The following ZDHHC15 variants were observed in gnomAD, a reference collection of about 807,000 sequenced individuals.
ZDHHC15 encodes the protein palmitoyltransferase ZDHHC15.
In ZDHHC15, 19 loss-of-function variants were observed where a neutral mutation model predicts 31.7. That is an observed-to-expected ratio of 0.60 (90% CI 0.42 to 0.88). The LOEUF is 0.88. ZDHHC15 is among the 40% of genes least tolerant of loss of function. The pLI, the probability that ZDHHC15 is intolerant of heterozygous loss-of-function variation, is 0.00. For synonymous variants in ZDHHC15, 103 were observed against 90.0 expected (o/e 1.14, Z -0.82); for missense variants, 209 against 251.2 (o/e 0.83, Z 1.14).
intron 10 of ZDHHC15, among the ~76,000 whole-genome samples, chrX:75,394,438 A>G (rs1265030629): frequency 5.4e-5 from 6 of 110,890 alleles, no homozygotes; most frequent in Non-Finnish European, 1.1e-4. Flanking sequence ...ATGGATGAAA[A>G]AAAAAAACAA....
rs373986817 is a variant in ZDHHC15 at position 75,508,391 on chromosome X, C to T, written c.137-2544G>A. Among the ~76,000 whole-genome samples the T allele has an allele frequency of 5.3e-4, 53 of 100,403 alleles. 3 individuals are homozygous for T. The East Asian group carries it at 7.7e-3, about 15-fold the overall frequency. 87.2% of individuals were successfully genotyped at this position (100,403 alleles called of 115,157 possible). ...ATTCCCACCTATGAGTGAGAACATG[C>T]AGTGTTTGGTTTTTTTTGTCCTTGC... On this transcript the variant is annotated intron_variant, in intron 1 of 11. Transcript: ENST00000373367.
intron 10 of ZDHHC15, among the ~76,000 whole-genome samples, chrX:75,396,034 T>C (rs2083295681): frequency 8.9e-6 from 1 of 112,014 alleles, no homozygotes. Context: ...CCTCAAAATA[T>C]GAAACTATGA....
intron 3 of ZDHHC15, among the ~76,000 whole-genome samples, chrX:75,476,753 TCTC>T (rs1287022100): frequency 2.9e-5 from 3 of 102,313 alleles, no homozygotes; most frequent in Non-Finnish European, 6.0e-5. Context: ...CCTTCCCTTC[TCTC>T]CTCTTTTCCC....
chrX:75,422,647 C>G, intron 8 of ZDHHC15, among the ~76,000 whole-genome samples: 1 of 110,961 alleles, frequency 9.0e-6, no homozygotes, highest in African/African-American at 3.3e-5. Context: ...CTGACTGTTT[C>G]TCATTTGTTC....
At chrX:75,500,889 CTGA>C (rs757982238) in intron 2 of ZDHHC15, among the ~76,000 whole-genome samples, 2 of 110,105 alleles carry the variant, frequency 1.8e-5, no homozygotes, top group African/African-American at 6.6e-5. Flanking sequence ...TCTCACCTTC[CTGA>C]TGTTTAATGT....
chrX:75,392,639 TC>T (rs899345564), intron 10 of ZDHHC15, among the ~76,000 whole-genome samples: 13 of 112,026 alleles, frequency 1.2e-4, no homozygotes, highest in African/African-American at 3.6e-4. Flanking sequence ...ACCGCATCAA[TC>T]CCCAACCCAA....
At chrX:75,518,826 C>T (rs1198399803) in intron 1 of ZDHHC15, among the ~76,000 whole-genome samples, 2 of 93,102 alleles carry the variant, frequency 2.1e-5, no homozygotes, top group African/African-American at 7.9e-5. Flanking sequence ...CACACACACA[C>T]ACACACACAC....
At chrX:75,496,215 A>C (rs2148026710) in intron 2 of ZDHHC15, among the ~76,000 whole-genome samples, 1 of 111,635 alleles carries the variant, frequency 9.0e-6, no homozygotes, top group Non-Finnish European at 1.9e-5. Flanking sequence ...TTCTTATATC[A>C]GACAAAACAG....
chrX:75,431,319 G>T, intron 5 of ZDHHC15, 132 bp downstream of exon 5: 2 of 532,155 alleles, frequency 3.8e-6, no homozygotes, highest in East Asian at 3.7e-5. Flanking sequence ...GAGGGGTTTT[G>T]GCATATGCTC....
At chrX:75,440,366 G>A (rs1185178242) in intron 4 of ZDHHC15, among the ~76,000 whole-genome samples, 3 of 110,738 alleles carry the variant, frequency 2.7e-5, no homozygotes, top group Non-Finnish European at 3.8e-5. Context: ...TGCAAGCTCC[G>A]CCTTCCGGGT....
At chrX:75,517,745 A>T (rs1394537058) in intron 1 of ZDHHC15, among the ~76,000 whole-genome samples, 1 of 109,800 alleles carries the variant, frequency 9.1e-6, no homozygotes, top group East Asian at 2.8e-4. Context: ...AATAATAATA[A>T]AATTTTAAAA....
chrX:75,474,874 G>A (rs1002237434), intron 3 of ZDHHC15, among the ~76,000 whole-genome samples: 1 of 109,365 alleles, frequency 9.1e-6, no homozygotes, highest in Non-Finnish European at 1.9e-5. Flanking sequence ...TGGCTAACAC[G>A]GTGAAACCCC....
At chrX:75,401,342 C>A (rs1021858708) in intron 10 of ZDHHC15, among the ~76,000 whole-genome samples, 1 of 110,573 alleles carries the variant, frequency 9.0e-6, no homozygotes, top group Non-Finnish European at 1.9e-5. Context: ...AATAAACCAA[C>A]ATAACAACCA....
intron 7 of ZDHHC15, among the ~76,000 whole-genome samples, chrX:75,426,443 C>G (rs1028800963): frequency 4.9e-5 from 5 of 101,506 alleles, no homozygotes; most frequent in Non-Finnish European, 8.1e-5. Context: ...TCTTCTTAAA[C>G]TTTTTTTTTT....
intron 7 of ZDHHC15, among the ~76,000 whole-genome samples, 192 bp downstream of exon 7, chrX:75,428,886 G>C (rs2083744861): frequency 9.0e-6 from 1 of 111,705 alleles, no homozygotes; most frequent in Non-Finnish European, 1.9e-5. Flanking sequence ...TGTTTAACTA[G>C]AATCTTTAAA....
intron 10 of ZDHHC15, among the ~76,000 whole-genome samples, chrX:75,413,675 A>C (rs746020641): frequency 9.6e-4 from 107 of 111,161 alleles, no homozygotes; most frequent in Non-Finnish European, 1.7e-3. Context: ...AAGAAAAAAA[A>C]AAACAAACAA....
chrX:75,456,829 C>T (rs962016965), intron 3 of ZDHHC15, among the ~76,000 whole-genome samples: 71 of 111,306 alleles, frequency 6.4e-4, no homozygotes, highest in African/African-American at 2.2e-3. Flanking sequence ...GGGTGTCTCC[C>T]CTGTCAAGGC....
At position 75,505,714 on chromosome X, in the gene ZDHHC15, A is replaced by G. The variant is rs184270240; in HGVS notation, c.163+107T>C. 5 of 928,472 alleles carry G rather than the reference A, an allele frequency of 5.4e-6. No homozygotes were observed. In the Admixed American group the frequency reaches 1.3e-4, roughly 25 times the overall value. 76.5% of individuals were successfully genotyped at this position (928,472 alleles called of 1,213,427 possible). On this transcript the variant is annotated intron_variant, in intron 2 of 11. Transcript: ENST00000373367. ...TCATTCTAAACTTTCTCCTCACCCAAGTTTATTTCTGGGAAAATTGCTCGG... is the reference window on the plus strand; with the variant it reads ...TCATTCTAAACTTTCTCCTCACCCAGGTTTATTTCTGGGAAAATTGCTCGG...
intron 7 of ZDHHC15, among the ~76,000 whole-genome samples, chrX:75,427,193 G>A (rs1413640901): frequency 2.7e-5 from 3 of 111,293 alleles, no homozygotes; most frequent in Non-Finnish European, 3.8e-5. Context: ...CTGCCAGGGA[G>A]CATTTCTCTG....
Sources: gnomAD v4.1 joint callset for allele counts (sites outside exome capture counted in the v4.1 genomes callset) on GRCh38, gnomAD v4.1.1 for gene constraint, MANE v1.5 for transcripts, NCBI Gene and HGNC (gene_info 2026-07-23, HGNC 2026-07-21) for gene names.